ARHGAP24: variants seen among roughly 807,000 people sequenced by gnomAD.
ARHGAP24 encodes the protein Rho GTPase activating protein 24, also known as rho GTPase-activating protein 24.
In ARHGAP24, 50 loss-of-function variants were observed where a neutral mutation model predicts 76.4. That is an observed-to-expected ratio of 0.65 (90% CI 0.52 to 0.83). ARHGAP24 has a LOEUF of 0.83. Ranked by LOEUF, ARHGAP24 falls within the 40% of genes least tolerant of loss-of-function variation. The pLI, the probability that ARHGAP24 is intolerant of heterozygous loss-of-function variation, is 0.00. For synonymous variants in ARHGAP24, 345 were observed against 323.3 expected (o/e 1.07, Z -0.72); for missense variants, 930 against 914.2 (o/e 1.02, Z -0.22).
chr4:85,956,343 A>T (rs552360753), intron 5 of ARHGAP24, among the ~76,000 whole-genome samples: 41 of 152,372 alleles, frequency 2.7e-4, no homozygotes, highest in African/African-American at 9.4e-4. Context: ...TGATGGTGTG[A>T]CAAAATTTGA....
chr4:85,848,688 A>G (rs1450631102), intron 3 of ARHGAP24, among the ~76,000 whole-genome samples: 1 of 152,174 alleles, frequency 6.6e-6, no homozygotes, highest in East Asian at 1.9e-4. Context: ...GCACAACGCC[A>G]TTTATTAAAT....
intron 3 of ARHGAP24, among the ~76,000 whole-genome samples, chr4:85,779,832 T>A (rs1450242647): frequency 6.6e-6 from 1 of 152,204 alleles, no homozygotes; most frequent in Non-Finnish European, 1.5e-5. Flanking sequence ...TATATAATAT[T>A]TGCTGCTGGC....
chr4:85,834,221 A>G (rs4693743), intron 3 of ARHGAP24, among the ~76,000 whole-genome samples: 14,097 of 152,188 alleles, frequency 0.093, 1,025 homozygotes, highest in East Asian at 0.29. Flanking sequence ...AATAGGATAA[A>G]TTTGATCATC....
chr4:85,582,391 A>G (rs1727650306), intron 2 of ARHGAP24, among the ~76,000 whole-genome samples: 1 of 152,092 alleles, frequency 6.6e-6, no homozygotes, highest in African/African-American at 2.4e-5. Flanking sequence ...TATAGTGTTT[A>G]TTTAAGATGT....
intron 1 of ARHGAP24, among the ~76,000 whole-genome samples, chr4:85,506,575 TCTGC>T (rs1724057850): frequency 6.6e-6 from 1 of 152,082 alleles, no homozygotes; most frequent in Non-Finnish European, 1.5e-5. Flanking sequence ...AATCTTCAGG[TCTGC>T]CAGTTGTGAA....
chr4:85,583,763 C>A (rs62315649), intron 2 of ARHGAP24, among the ~76,000 whole-genome samples: 1 of 150,038 alleles, frequency 6.7e-6, no homozygotes, highest in Non-Finnish European at 1.5e-5. Context: ...AAAAAAACCC[C>A]ATCAAAAAGT....
intron 3 of ARHGAP24, among the ~76,000 whole-genome samples, chr4:85,832,563 T>G (rs1396359903): frequency 1.3e-5 from 2 of 152,148 alleles, no homozygotes. Context: ...CCATGTGCGG[T>G]GTTCAATGGG....
intron 3 of ARHGAP24, among the ~76,000 whole-genome samples, chr4:85,809,827 C>T (rs552025328): frequency 1.3e-5 from 2 of 152,302 alleles, no homozygotes; most frequent in East Asian, 3.9e-4. Flanking sequence ...TAAGGGATTT[C>T]TCCTTCTGTC....
chr4:85,663,030 A>T (rs890337124), intron 2 of ARHGAP24, among the ~76,000 whole-genome samples: 1 of 152,122 alleles, frequency 6.6e-6, no homozygotes. Flanking sequence ...TGAACTTTAA[A>T]GTAGTTTTTT....
At chr4:85,856,580 C>T (rs1287707203) in intron 3 of ARHGAP24, among the ~76,000 whole-genome samples, 4 of 150,580 alleles carry the variant, frequency 2.7e-5, no homozygotes, top group Non-Finnish European at 4.4e-5. Context: ...AAGCGATTCT[C>T]CTGTCTCAGC....
At chr4:85,488,113 C>G (rs1333115029) in intron 1 of ARHGAP24, among the ~76,000 whole-genome samples, 1 of 151,180 alleles carries the variant, frequency 6.6e-6, no homozygotes, top group Non-Finnish European at 1.5e-5. Flanking sequence ...TGCTTCTGTT[C>G]AGCTGTGAGA....
At chr4:85,860,457 A>G (rs1280233138) in intron 3 of ARHGAP24, among the ~76,000 whole-genome samples, 3 of 152,078 alleles carry the variant, frequency 2.0e-5, no homozygotes, top group Non-Finnish European at 4.4e-5. Flanking sequence ...CCCCTTTAGG[A>G]TCCATATGGC....
At position 85,667,868 on chromosome 4, in the gene ARHGAP24, T is replaced by G. The variant is rs141052470; in HGVS notation, c.181-54017T>G. On this transcript the variant is annotated intron_variant, in intron 2 of 9. Transcript: ENST00000395184. The stretch of plus-strand genomic sequence containing the variant: ...TTTACAATTATTTAATTGCTATTTT[T>G]TTCTCATTGATGTCAAGAAACAAGG... Among the ~76,000 whole-genome samples the G allele has an allele frequency of 2.6e-5, 4 of 152,350 alleles. No homozygotes were observed. In the East Asian group the frequency reaches 7.7e-4, roughly 29 times the overall value.
chr4:85,945,628 C>G (rs1296847215), intron 5 of ARHGAP24, among the ~76,000 whole-genome samples: 2 of 151,680 alleles, frequency 1.3e-5, no homozygotes, highest in Admixed American at 6.6e-5. Context: ...GGCATGGTGG[C>G]AAGCACCTGT....
At chr4:85,943,239 T>G (rs971119451) in intron 5 of ARHGAP24, among the ~76,000 whole-genome samples, 4 of 152,172 alleles carry the variant, frequency 2.6e-5, no homozygotes, top group African/African-American at 7.2e-5. Flanking sequence ...AAATTAAAAA[T>G]AGCCTACTGT....
At chr4:85,555,814 G>A (rs553229741) in intron 1 of ARHGAP24, among the ~76,000 whole-genome samples, 1 of 152,310 alleles carries the variant, frequency 6.6e-6, no homozygotes, top group East Asian at 1.9e-4. Context: ...TGGCTGCATT[G>A]TGGACTCAAG....
At chr4:85,843,499 T>G (rs1248368815) in intron 3 of ARHGAP24, among the ~76,000 whole-genome samples, 5 of 151,830 alleles carry the variant, frequency 3.3e-5, no homozygotes, top group African/African-American at 7.2e-5. Context: ...TAATTTAAAT[T>G]TAATTAAATA....
intron 2 of ARHGAP24, among the ~76,000 whole-genome samples, chr4:85,627,517 G>A (rs186290623): frequency 3.3e-5 from 5 of 152,212 alleles, no homozygotes; most frequent in Admixed American, 3.3e-4. Context: ...CTCCTCAGTG[G>A]TCAGGGAGCC....
chr4:85,580,303 G>A (rs375434787), intron 2 of ARHGAP24, among the ~76,000 whole-genome samples: 9 of 152,132 alleles, frequency 5.9e-5, no homozygotes, highest in African/African-American at 2.2e-4. Context: ...TGCTGTTGGG[G>A]ACTACATGTC....
Sources: allele counts gnomAD v4.1 joint callset (sites outside exome capture counted in the v4.1 genomes callset), GRCh38; gene constraint gnomAD v4.1.1; transcripts MANE v1.5; gene names NCBI Gene and HGNC (gene_info 2026-07-23, HGNC 2026-07-21).